PTPRN2: variants seen among roughly 807,000 people sequenced by gnomAD.
PTPRN2 encodes protein tyrosine phosphatase receptor type N2.
A neutral mutation model predicts 118.8 loss-of-function variants in PTPRN2; 74 were observed. The ratio of observed to expected loss-of-function variants is 0.62; its 90% CI spans 0.52 to 0.76. PTPRN2 has a LOEUF of 0.76. Ranked by LOEUF, PTPRN2 falls within the 30% of genes least tolerant of loss-of-function variation. The pLI is 0.00. For missense variants in PTPRN2, 1,481 were observed against 1,394.4 expected (o/e 1.06, Z -0.99); for synonymous variants, 641 against 608.0 (o/e 1.05, Z -0.80).
At chr7:157,971,217 AT>A (rs1181691488) in intron 11 of PTPRN2, among the ~76,000 whole-genome samples, 2 of 152,194 alleles carry the variant, frequency 1.3e-5, no homozygotes, top group Non-Finnish European at 2.9e-5. Context: ...TGTACTGAAT[AT>A]TTTTTGGAAT....
intron 3 of PTPRN2, among the ~76,000 whole-genome samples, chr7:158,266,562 G>A (rs1301845174): frequency 6.6e-6 from 1 of 152,188 alleles, no homozygotes; most frequent in East Asian, 1.9e-4. Context: ...AAAGAGCCGG[G>A]GCCAGTGTGG....
chr7:157,625,497 ATG>A (rs1372821828), intron 14 of PTPRN2, among the ~76,000 whole-genome samples: 1 of 152,194 alleles, frequency 6.6e-6, no homozygotes. Context: ...ACCCAACCAT[ATG>A]TTCTCACTAA....
At chr7:158,221,022 T>C (rs1276058566) in intron 3 of PTPRN2, among the ~76,000 whole-genome samples, 1 of 151,882 alleles carries the variant, frequency 6.6e-6, no homozygotes, top group Non-Finnish European at 1.5e-5. Flanking sequence ...AACAGACACA[T>C]AGACCAATGG....
chr7:157,764,976 T>C lies in PTPRN2; in HGVS notation c.1789-82039A>G. The stretch of plus-strand genomic sequence containing the variant: ...CCATCCACCCACCCACCCATCCATC[T>C]ACCCATCCACTTTCATCCATCCAAC... On this transcript the variant is annotated intron_variant, in intron 12 of 22. Transcript: ENST00000389418. The surrounding 1 kb of genome is among the most constrained non-coding windows in gnomAD (Gnocchi z 4.5). 7.5e-6 allele frequency among the ~76,000 whole-genome samples: 1 copy of C among 133,436 alleles called. No homozygotes were observed. 87.5% of individuals were successfully genotyped at this position (133,436 alleles called of 152,430 possible). A position where few individuals can be genotyped will look rare whatever the true frequency, so the allele number is the denominator to read the frequency against.
chr7:158,095,795 C>A (rs1413954699), intron 10 of PTPRN2, among the ~76,000 whole-genome samples: 1 of 152,178 alleles, frequency 6.6e-6, no homozygotes, highest in African/African-American at 2.4e-5. Flanking sequence ...CCTGGCTGGT[C>A]TCAAAACTCC....
chr7:158,322,458 C>G (rs979074980), intron 2 of PTPRN2, among the ~76,000 whole-genome samples: 1 of 152,228 alleles, frequency 6.6e-6, no homozygotes, highest in African/African-American at 2.4e-5. Context: ...GGAGCAGCTC[C>G]GTGCATGGCA....
At chr7:158,168,440 G>A (rs942791053) in intron 5 of PTPRN2, among the ~76,000 whole-genome samples, 9 of 152,178 alleles carry the variant, frequency 5.9e-5, no homozygotes, top group Non-Finnish European at 1.3e-4. Flanking sequence ...CTGAAGAAAT[G>A]TCTGTTTGTA....
chr7:158,265,033 C>T (rs1001260930), intron 3 of PTPRN2, among the ~76,000 whole-genome samples: 1 of 152,154 alleles, frequency 6.6e-6, no homozygotes, highest in Non-Finnish European at 1.5e-5. Flanking sequence ...GCCCCACAGC[C>T]CCCAAGCCTG....
At chr7:158,353,712 C>G (rs1808178205) in intron 2 of PTPRN2, among the ~76,000 whole-genome samples, 1 of 152,212 alleles carries the variant, frequency 6.6e-6, no homozygotes, top group African/African-American at 2.4e-5. Context: ...AACCAGACCC[C>G]CACATCTGCA....
intron 12 of PTPRN2, among the ~76,000 whole-genome samples, chr7:157,721,973 G>A (rs1371656046): frequency 3.9e-5 from 6 of 152,214 alleles, no homozygotes; most frequent in South Asian, 2.1e-4. Context: ...CGAAGACCAC[G>A]TGCTGTGCGC....
chr7:158,491,713 C>T (rs1821460557), intron 1 of PTPRN2, among the ~76,000 whole-genome samples: 1 of 152,176 alleles, frequency 6.6e-6, no homozygotes. Flanking sequence ...TGGTCTCGAA[C>T]TCCTGACCTC....
Position 157,987,185 on chromosome 7 carries a change from C to T in PTPRN2, c.1724-88448G>A, listed in dbSNP as rs192146445. ...CGGCAACACAGAGATTCCATTTCTTCCTGGGATTAGGAAGCACGAAGTGTC... is the reference window on the plus strand; with the variant it reads ...CGGCAACACAGAGATTCCATTTCTTTCTGGGATTAGGAAGCACGAAGTGTC... On this transcript the variant is annotated intron_variant, in intron 11 of 22. Transcript: ENST00000389418. This position sits in a 1 kb window ranked among gnomAD's most constrained non-coding sequence, Gnocchi z 4.3. Among the ~76,000 whole-genome samples the T allele has an allele frequency of 1.3e-5, 2 of 152,254 alleles. No individual in the cohort carries two copies. Among genetic ancestry groups the T allele is most frequent in the East Asian group, 1.9e-4 (1 of 5,166 alleles).
chr7:157,930,326 C>G (rs907682408), intron 11 of PTPRN2, among the ~76,000 whole-genome samples: 1 of 152,176 alleles, frequency 6.6e-6, no homozygotes, highest in Admixed American at 6.5e-5. Context: ...TTATCACAAA[C>G]GTTGCATAAT....
intron 2 of PTPRN2, among the ~76,000 whole-genome samples, chr7:158,418,033 C>T (rs1406200979): frequency 1.3e-5 from 2 of 150,324 alleles, no homozygotes; most frequent in African/African-American, 5.0e-5. Flanking sequence ...TCTCAGTGTC[C>T]CGCTGTGTTA....
At chr7:158,046,878 T>G (rs947064312) in intron 11 of PTPRN2, among the ~76,000 whole-genome samples, 1 of 152,140 alleles carries the variant, frequency 6.6e-6, no homozygotes, top group African/African-American at 2.4e-5. Flanking sequence ...ACCGCTAGCT[T>G]TGCACCAGTT....
intron 3 of PTPRN2, among the ~76,000 whole-genome samples, chr7:158,299,539 G>A (rs1015355158): frequency 3.9e-5 from 6 of 152,070 alleles, no homozygotes; most frequent in Admixed American, 6.6e-5. Flanking sequence ...CTCTTGATCC[G>A]CTGGCCTCAG....
Position 158,055,430 on chromosome 7 carries a change from C to G in PTPRN2, c.1723+25868G>C, listed in dbSNP as rs578004461. On this transcript the variant is annotated intron_variant, in intron 11 of 22. Transcript: ENST00000389418. Reference sequence around the variant, plus strand: ...GACCAGGAAAGGGAGTCTCCCTTTCCCTGGGGGAGTTTAGAGAAGACTCCA... The same window carrying G: ...GACCAGGAAAGGGAGTCTCCCTTTCGCTGGGGGAGTTTAGAGAAGACTCCA... Among the ~76,000 whole-genome samples, 10 of 152,196 alleles carry G rather than the reference C, an allele frequency of 6.6e-5. No homozygotes were observed. In the East Asian group the frequency reaches 1.5e-3, roughly 24 times the overall value.
intron 11 of PTPRN2, among the ~76,000 whole-genome samples, chr7:158,002,557 G>A (rs571060166): frequency 1.9e-4 from 29 of 152,250 alleles, no homozygotes; most frequent in African/African-American, 6.3e-4. Context: ...TGTGGATGAG[G>A]GAGAAAACAA....
chr7:158,585,048 C>G (rs1828838356), intron 1 of PTPRN2, among the ~76,000 whole-genome samples: 1 of 152,044 alleles, frequency 6.6e-6, no homozygotes, highest in South Asian at 2.1e-4. Flanking sequence ...CACAGCTGGG[C>G]CGGATTTAAG....
Sources: gnomAD v4.1 joint callset for allele counts (sites outside exome capture counted in the v4.1 genomes callset) on GRCh38, gnomAD v4.1.1 for gene constraint, Gnocchi (gnomAD v3.1) non-coding constraint, MANE v1.5 for transcripts, NCBI Gene and HGNC (gene_info 2026-07-23, HGNC 2026-07-21) for gene names.